Variants in ADAMTS12 observed in about 807,000 individuals in gnomAD.
ADAMTS12 encodes ADAM metallopeptidase with thrombospondin type 1 motif 12.
In ADAMTS12, 118 loss-of-function variants were observed where a neutral mutation model predicts 167.8. The observed-to-expected ratio is 0.70, with a 90% CI of 0.61 to 0.82. The LOEUF is 0.82. Among genes scored for constraint, ADAMTS12 ranks in the 40% least tolerant of loss-of-function variants. ADAMTS12 has a pLI of 0.00. For synonymous variants in ADAMTS12, 704 were observed against 716.9 expected, an observed-to-expected ratio of 0.98 and a Z score of 0.29; for missense variants, 1,916 against 1,998.8, an observed-to-expected ratio of 0.96 and a Z score of 0.79.
At chr5:33,602,013 C>T (rs369307675) in intron 16 of ADAMTS12, among the ~76,000 whole-genome samples, 1 of 38,294 alleles carries the variant, frequency 2.6e-5, no homozygotes. Flanking sequence ...AGTCAGGGAC[C>T]TCATTCACTT....
At chr5:33,785,919 T>C (rs1047666651) in intron 2 of ADAMTS12, among the ~76,000 whole-genome samples, 5 of 152,138 alleles carry the variant, frequency 3.3e-5, no homozygotes, top group African/African-American at 1.2e-4. Context: ...AATCCAAACA[T>C]CCCTCAGCTC....
At chr5:33,861,545 A>T (rs1245437810) in intron 2 of ADAMTS12, among the ~76,000 whole-genome samples, 1 of 152,228 alleles carries the variant, frequency 6.6e-6, no homozygotes, top group African/African-American at 2.4e-5. Context: ...TTAGAGACCT[A>T]CAAAGAGACT....
chr5:33,569,412 G>A (rs572941525), intron 19 of ADAMTS12, among the ~76,000 whole-genome samples: 7 of 152,292 alleles, frequency 4.6e-5, no homozygotes, highest in Admixed American at 3.3e-4. Flanking sequence ...CCAGAGGAAC[G>A]ATCAGACAGC....
At chr5:33,800,675 A>C (rs1746963815) in intron 2 of ADAMTS12, among the ~76,000 whole-genome samples, 1 of 152,142 alleles carries the variant, frequency 6.6e-6, no homozygotes, top group African/African-American at 2.4e-5. Context: ...CACCAGACTA[A>C]GGATTGTAGA....
At chr5:33,762,282 G>A (rs915652064) in intron 2 of ADAMTS12, among the ~76,000 whole-genome samples, 5 of 152,250 alleles carry the variant, frequency 3.3e-5, no homozygotes, top group East Asian at 1.9e-4. Flanking sequence ...GCCGAGGCGG[G>A]TGGATCACGA....
intron 5 of ADAMTS12, among the ~76,000 whole-genome samples, chr5:33,679,832 T>G (rs1385819571): frequency 6.6e-6 from 1 of 152,154 alleles, no homozygotes. Context: ...CATTACAAAT[T>G]AAGAAAAATG....
rs116451952 is a variant in ADAMTS12 at position 33,607,357 on chromosome 5, G to T, written c.2527+6881C>A. Among the ~76,000 whole-genome samples, 1,364 of 152,288 alleles carry T rather than the reference G, an allele frequency of 9.0e-3. 9 individuals carry two copies. The highest frequency in any genetic ancestry group is 0.032 in the African/African-American group (1,317 of 41,548). ...CAAACAGAACTAATAATAGAGTTCA[G>T]CAAGGTTGCCGGATACAAAATTAAA... On this transcript the variant is annotated intron_variant, in intron 16 of 23. Transcript: ENST00000504830.
At chr5:33,578,022 T>C (rs1309007683) in intron 18 of ADAMTS12, among the ~76,000 whole-genome samples, 1 of 152,230 alleles carries the variant, frequency 6.6e-6, no homozygotes, top group Non-Finnish European at 1.5e-5. Flanking sequence ...GGAGTTGCTA[T>C]AAAACACTAA....
chr5:33,732,474 T>C (rs967790358), intron 3 of ADAMTS12, among the ~76,000 whole-genome samples: 1 of 152,208 alleles, frequency 6.6e-6, no homozygotes, highest in Non-Finnish European at 1.5e-5. Flanking sequence ...CTAATAATCC[T>C]ATTAAAAATG....
At chr5:33,635,491 C>A (rs1470362653) in intron 12 of ADAMTS12, among the ~76,000 whole-genome samples, 1 of 152,152 alleles carries the variant, frequency 6.6e-6, no homozygotes, top group African/African-American at 2.4e-5. Flanking sequence ...TCCTCCGAAC[C>A]TATTAGCTTA....
chr5:33,536,226 C>T (rs1293620730), intron 22 of ADAMTS12, among the ~76,000 whole-genome samples: 1 of 152,164 alleles, frequency 6.6e-6, no homozygotes, highest in Non-Finnish European at 1.5e-5. Flanking sequence ...AACCTCCCTC[C>T]CTGGGTTCAA....
chr5:33,607,863 A>C (rs866036796), intron 16 of ADAMTS12, among the ~76,000 whole-genome samples: 3 of 152,186 alleles, frequency 2.0e-5, no homozygotes, highest in African/African-American at 7.2e-5. Flanking sequence ...TAAATAAGCA[A>C]AGGCCAGGAA....
intron 3 of ADAMTS12, among the ~76,000 whole-genome samples, chr5:33,728,294 G>C (rs1744059963): frequency 6.6e-6 from 1 of 152,198 alleles, no homozygotes; most frequent in Admixed American, 6.5e-5. Flanking sequence ...GAAGTGGAAA[G>C]GGGGAGGGGA....
intron 3 of ADAMTS12, among the ~76,000 whole-genome samples, chr5:33,742,972 T>C (rs148331911): frequency 2.0e-5 from 3 of 152,188 alleles, no homozygotes; most frequent in African/African-American, 7.2e-5. Flanking sequence ...TAAAGTAGGA[T>C]AAAGGGCTTA....
Position 33,751,142 on chromosome 5 carries a change from G to A in ADAMTS12, c.634+262C>T. On this transcript the variant is annotated intron_variant, in intron 3 of 23. Coordinates refer to ENST00000504830, the MANE Select transcript of ADAMTS12 (RefSeq NM_030955.4). Reference sequence around the variant, plus strand: ...TGTCTTATGAGCATCATCAATTAATGTGGCAAAGATGCTTTTATTTCCTTC... The same window carrying A: ...TGTCTTATGAGCATCATCAATTAATATGGCAAAGATGCTTTTATTTCCTTC... 3 of 497,850 alleles carry A rather than the reference G, an allele frequency of 6.0e-6. No individual in the cohort carries two copies. In the East Asian group the frequency reaches 9.4e-5, roughly 16 times the overall value. 30.8% of individuals were successfully genotyped at this position (497,850 alleles called of 1,614,324 possible). A position where few individuals can be genotyped will look rare whatever the true frequency, so the allele number is the denominator to read the frequency against.
chr5:33,881,549 G>A (rs1750445462), intron 1 of ADAMTS12, 69 bp from the exon 2 acceptor site: 41 of 1,521,108 alleles, frequency 2.7e-5, no homozygotes, highest in South Asian at 1.4e-4. Flanking sequence ...CTTTCGTTTG[G>A]AACTTGAATG....
chr5:33,699,326 C>T (rs941002323), intron 3 of ADAMTS12, among the ~76,000 whole-genome samples: 5 of 151,058 alleles, frequency 3.3e-5, no homozygotes, highest in Admixed American at 6.6e-5. Context: ...ATGGTCTTCT[C>T]GACTAAGATG....
At chr5:33,827,546 C>G (rs1326747876) in intron 2 of ADAMTS12, among the ~76,000 whole-genome samples, 1 of 151,998 alleles carries the variant, frequency 6.6e-6, no homozygotes, top group Non-Finnish European at 1.5e-5. Context: ...TTTGTGGTAG[C>G]TTATTATGCA....
chr5:33,875,932 A>G lies in ADAMTS12; in HGVS notation c.489+5187T>C, dbSNP rs1750210233. Among the ~76,000 whole-genome samples, 5 of 152,178 alleles carry G rather than the reference A, an allele frequency of 3.3e-5. 1 individual carries two copies. In the South Asian group the frequency reaches 1.0e-3, roughly 31 times the overall value. On this transcript the variant is annotated intron_variant, in intron 2 of 23. Transcript: ENST00000504830. ...TCCCAAAGAATCTTCTAAAAAAACC[A>G]TCTTAGGGTTAATAAGACAGTTTAG...
Sources: gnomAD v4.1 joint callset for allele counts (sites outside exome capture counted in the v4.1 genomes callset) on GRCh38, gnomAD v4.1.1 for gene constraint, MANE v1.5 for transcripts, NCBI Gene and HGNC (gene_info 2026-07-23, HGNC 2026-07-21) for gene names.